The following KIF2A variants were observed in gnomAD, a reference collection of about 807,000 sequenced individuals.
The protein encoded by KIF2A is kinesin-like protein KIF2A.
A neutral mutation model predicts 100.2 loss-of-function variants in KIF2A; 22 were observed. The observed-to-expected ratio is 0.22, with a 90% CI of 0.16 to 0.31. KIF2A has a LOEUF of 0.31. Ranked by LOEUF, KIF2A falls within the 10% of genes least tolerant of loss-of-function variation. KIF2A has a pLI of 1.00. For synonymous variants in KIF2A, 268 were observed against 285.9 expected (o/e 0.94, Z 0.63); for missense variants, 495 against 898.7 (o/e 0.55, Z 5.74).
chr5:62,307,704 G>A (rs554879072), intron 1 of KIF2A, among the ~76,000 whole-genome samples: 2 of 149,326 alleles, frequency 1.3e-5, no homozygotes, highest in South Asian at 4.2e-4. Flanking sequence ...TGCAACCTCC[G>A]CCTCCCGTGT....
chr5:62,366,656 C>T (rs1181849131), intron 16 of KIF2A, among the ~76,000 whole-genome samples, 175 bp downstream of exon 16: 1 of 151,834 alleles, frequency 6.6e-6, no homozygotes, highest in African/African-American at 2.4e-5. Context: ...ATGGTGAAAC[C>T]CCGTCTCTAC....
chr5:62,323,254 C>CAA lies in KIF2A; in HGVS notation c.64+16731_64+16732dup, dbSNP rs147491794. Among the ~76,000 whole-genome samples the CAA allele has an allele frequency of 4.8e-3, 566 of 117,510 alleles. 3 individuals are homozygous for CAA. The highest frequency in any genetic ancestry group is 0.017 in the African/African-American group (522 of 31,060). 77.1% of individuals were successfully genotyped at this position (117,510 alleles called of 152,430 possible). ...CTGGGCAACGAGCGAAACTCCATCT[C>CAA]AAAAAAAAAAAAAATCTGAGAAAGA... is the stretch of plus-strand genomic sequence containing the variant. On this transcript the variant is annotated intron_variant, in intron 1 of 20. Transcript: ENST00000407818.
Position 62,377,708 on chromosome 5 carries a change from A to G in KIF2A, c.1959A>G (p.Ser653=). 1 of 1,559,470 alleles carries G rather than the reference A, an allele frequency of 6.4e-7. No individual in the cohort carries two copies. Among genetic ancestry groups the G allele is most frequent in the Non-Finnish European group, 8.7e-7 (1 of 1,150,626 alleles). Residue 653 remains serine, a synonymous_variant, in exon 19 of 21, where the codon TCA becomes TCG. Coordinates refer to ENST00000407818, the MANE Select transcript of KIF2A (RefSeq NM_001098511.3). ...PQLFTFHEAV[S]QMVEMEEQVV... ...TGTTTACTTTCCACGAAGCTGTTTC[A>G]CAAATGGTAGAAATGGAAGAACAAG...
Position 62,306,255 on chromosome 5 carries a change from AC to A in KIF2A, c.-215del, listed in dbSNP as rs1264737558. On this transcript the variant is annotated 5_prime_UTR_variant, in exon 1 of 21. Coordinates refer to ENST00000407818, the MANE Select transcript of KIF2A (RefSeq NM_001098511.3). ...CCCCGGCCCTAGCTTCACCCCGACTACCCGGCGTGCGCGTCCTCCTGCCGGC... is the reference window on the plus strand; with the variant it reads ...CCCCGGCCCTAGCTTCACCCCGACTACCGGCGTGCGCGTCCTCCTGCCGGC... 5 of 523,616 alleles carry A rather than the reference AC, an allele frequency of 9.5e-6. No homozygotes were observed. Among genetic ancestry groups the A allele is most frequent in the Non-Finnish European group, 1.7e-5 (5 of 298,332 alleles). The allele number at this position is 523,616 out of a possible 1,614,324, so 32.4% of individuals were successfully genotyped here.
chr5:62,317,907 C>A (rs1745898289), intron 1 of KIF2A, among the ~76,000 whole-genome samples: 1 of 149,784 alleles, frequency 6.7e-6, no homozygotes, highest in African/African-American at 2.5e-5. Flanking sequence ...TTTGCTATTG[C>A]CTATGTTTAA....
At chr5:62,352,293 CAAGCTTGGCTTTGGCTTTTATGTA>C (rs1210701659) in intron 4 of KIF2A, among the ~76,000 whole-genome samples, 4 of 151,690 alleles carry the variant, frequency 2.6e-5, no homozygotes, top group African/African-American at 9.7e-5. Flanking sequence ...TATTAAAAAA[CAAGCTTGGCTTTGGCTTTTATGTA>C]AATTATTTAG....
intron 1 of KIF2A, among the ~76,000 whole-genome samples, chr5:62,329,804 G>A (rs1474562326): frequency 6.6e-6 from 1 of 152,140 alleles, no homozygotes; most frequent in Non-Finnish European, 1.5e-5. Context: ...TTAAAGAGGG[G>A]AATTATTTTC....
chr5:62,358,224 C>T lies in KIF2A; in HGVS notation c.797C>T (p.Thr266Ile). 1 of 1,605,114 alleles carries T rather than the reference C, an allele frequency of 6.2e-7. No individual in the cohort carries two copies. The highest frequency in any genetic ancestry group is 8.5e-7 in the Non-Finnish European group (1 of 1,176,802). The change falls in exon 9 of 21, where the codon ACA becomes ATA. Residue 266 changes from threonine to isoleucine, a missense_variant. By Grantham distance (89) the Thr-to-Ile change is moderately conservative. Coordinates refer to ENST00000407818, the MANE Select transcript of KIF2A (RefSeq NM_001098511.3). The stretch of plus-strand genomic sequence containing the variant: ...GAACCAAAACAAAAAGTAGATTTAA[C>T]AAGGTACCTAGAAAACCAAACATTT... ...VHEPKQKVDLTRYLENQTFRF... is the reference protein window; with the variant it reads ...VHEPKQKVDLIRYLENQTFRF...
intron 1 of KIF2A, among the ~76,000 whole-genome samples, chr5:62,311,072 A>G (rs565077778): frequency 5.9e-5 from 9 of 152,210 alleles, no homozygotes; most frequent in Admixed American, 2.6e-4. Context: ...TCCACCAGAA[A>G]GGTTTTTGGA....
At chr5:62,348,246 T>G (rs1747676938) in intron 3 of KIF2A, 79 bp downstream of exon 3, 2 of 1,487,094 alleles carry the variant, frequency 1.3e-6, no homozygotes, top group Non-Finnish European at 1.9e-6. Flanking sequence ...AGTTTGAAAT[T>G]GGTAGGCTTT....
intron 3 of KIF2A, 129 bp downstream of exon 3, chr5:62,348,296 C>T: frequency 3.6e-6 from 3 of 826,822 alleles, no homozygotes. Flanking sequence ...TTTCTGCCAT[C>T]ATATTCATAT....
chr5:62,351,230 C>CAATA (rs976698066), intron 4 of KIF2A, among the ~76,000 whole-genome samples: 6 of 150,516 alleles, frequency 4.0e-5, no homozygotes, highest in Non-Finnish European at 5.9e-5. Flanking sequence ...GACCCTGTCT[C>CAATA]AATAAATAAA....
At chr5:62,328,813 TATC>T (rs538333459) in intron 1 of KIF2A, among the ~76,000 whole-genome samples, 7 of 152,178 alleles carry the variant, frequency 4.6e-5, no homozygotes, top group Non-Finnish European at 5.9e-5. Context: ...TTTTTAATGG[TATC>T]ATAGCTACTT....
intron 20 of KIF2A, 44 bp from the exon 21 acceptor site, chr5:62,385,440 C>T (rs775386122): frequency 6.7e-6 from 9 of 1,335,438 alleles, no homozygotes; most frequent in Admixed American, 5.9e-5. Flanking sequence ...ACTCTTACTG[C>T]GTGTAATACA....
chr5:62,385,089 C>G (rs1741956141), intron 20 of KIF2A, among the ~76,000 whole-genome samples: 1 of 151,760 alleles, frequency 6.6e-6, no homozygotes, highest in African/African-American at 2.4e-5. Flanking sequence ...TTGCAGTGAG[C>G]CTAGATCGCA....
chr5:62,314,871 T>G (rs1289904303), intron 1 of KIF2A, among the ~76,000 whole-genome samples: 5 of 150,730 alleles, frequency 3.3e-5, no homozygotes, highest in Non-Finnish European at 5.9e-5. Flanking sequence ...CAAGTGATTC[T>G]CCTGCCTCAG....
At chr5:62,340,152 G>T (rs945291909) in intron 1 of KIF2A, among the ~76,000 whole-genome samples, 2 of 151,994 alleles carry the variant, frequency 1.3e-5, no homozygotes, top group East Asian at 1.9e-4. Flanking sequence ...GGCCAGGCTG[G>T]TCTCAAACTC....
At chr5:62,307,720 C>G (rs1250692647) in intron 1 of KIF2A, among the ~76,000 whole-genome samples, 1 of 151,412 alleles carries the variant, frequency 6.6e-6, no homozygotes, top group Non-Finnish European at 1.5e-5. Context: ...CGTGTTGAAG[C>G]TATTCTTGTG....
At chr5:62,322,176 C>T (rs748244518) in intron 1 of KIF2A, among the ~76,000 whole-genome samples, 13 of 152,112 alleles carry the variant, frequency 8.5e-5, no homozygotes, top group East Asian at 1.9e-4. Context: ...GTGATCCTCC[C>T]GTCTCAGCCT....
Sources: gnomAD v4.1 joint callset for allele counts (sites outside exome capture counted in the v4.1 genomes callset) on GRCh38, gnomAD v4.1.1 for gene constraint, MANE v1.5 for transcripts, NCBI Gene and HGNC (gene_info 2026-07-23, HGNC 2026-07-21) for gene names.